STAG1: variants seen among roughly 807,000 people sequenced by gnomAD.
The protein encoded by STAG1 is cohesin subunit SA-1.
A neutral mutation model predicts 170.9 loss-of-function variants in STAG1; 26 were observed. The observed-to-expected ratio is 0.15, with a 90% CI of 0.11 to 0.21. STAG1 has a LOEUF of 0.21. STAG1 is among the 10% of genes least tolerant of loss of function. The pLI, the probability that STAG1 is intolerant of heterozygous loss-of-function variation, is 1.00. For missense variants in STAG1, 964 were observed against 1,509.5 expected (o/e 0.64, Z 5.99); for synonymous variants, 514 against 497.7 (o/e 1.03, Z -0.44).
At chr3:136,360,769 T>C (rs1036847669) in intron 26 of STAG1, among the ~76,000 whole-genome samples, 2 of 151,940 alleles carry the variant, frequency 1.3e-5, no homozygotes, top group Non-Finnish European at 2.9e-5. Context: ...CCTGGGTTCA[T>C]GTCATTCTCC....
intron 6 of STAG1, among the ~76,000 whole-genome samples, chr3:136,524,404 A>G (rs1021257307): frequency 6.6e-6 from 1 of 151,982 alleles, no homozygotes; most frequent in Non-Finnish European, 1.5e-5. Flanking sequence ...TTTGTCTGTT[A>G]CTGGTGTATA....
At chr3:136,518,825 A>T (rs1934513763) in intron 7 of STAG1, among the ~76,000 whole-genome samples, 1 of 152,160 alleles carries the variant, frequency 6.6e-6, no homozygotes. Flanking sequence ...AAAAGAACAC[A>T]GGTGAAAACA....
chr3:136,545,265 T>C (rs1936105591), intron 5 of STAG1, among the ~76,000 whole-genome samples: 1 of 152,194 alleles, frequency 6.6e-6, no homozygotes, highest in Admixed American at 6.5e-5. Context: ...AGACAGGGTT[T>C]CATCATGTTG....
chr3:136,420,989 T>G, intron 20 of STAG1, 104 bp downstream of exon 20: 2 of 628,938 alleles, frequency 3.2e-6, no homozygotes, highest in Non-Finnish European at 5.3e-6. Flanking sequence ...CAGGCTGGTC[T>G]CCAATTCATG....
intron 6 of STAG1, among the ~76,000 whole-genome samples, chr3:136,527,088 A>G (rs192365334): frequency 1.3e-5 from 2 of 152,084 alleles, no homozygotes; most frequent in African/African-American, 4.8e-5. Context: ...TGCTCTTCTC[A>G]AGGAGTATCT....
At chr3:136,513,930 A>G (rs1934208731) in intron 7 of STAG1, among the ~76,000 whole-genome samples, 1 of 152,164 alleles carries the variant, frequency 6.6e-6, no homozygotes, top group Admixed American at 6.5e-5. Context: ...TTAAAAAATT[A>G]AAAGAAAAAA....
chr3:136,485,312 C>G (rs564891827), intron 9 of STAG1, among the ~76,000 whole-genome samples: 1 of 152,126 alleles, frequency 6.6e-6, no homozygotes, highest in African/African-American at 2.4e-5. Context: ...AAAAAATTAG[C>G]TGGGCGTGGT....
rs775454319 is a variant in STAG1 at position 136,521,325 on chromosome 3, C to T, written c.564G>A (p.Gln188=). 69 of 1,613,650 alleles carry T rather than the reference C, an allele frequency of 4.3e-5. No individual in the cohort carries two copies. The highest frequency in any genetic ancestry group is 5.3e-5 in the Non-Finnish European group (63 of 1,179,808). Residue 188 remains glutamine, a synonymous_variant, in exon 7 of 34, where the codon CAG becomes CAA. Transcript: ENST00000383202. ...CATCATAAATTATGCTATACTGACA[C>T]TGTCGAATCAGGACTCCAATAAATT... ...FCEFIGVLIR[Q]CQYSIIYDEY... is the part of the protein sequence containing the mutation.
chr3:136,727,679 A>G (rs1340506779), intron 1 of STAG1, among the ~76,000 whole-genome samples: 1 of 152,190 alleles, frequency 6.6e-6, no homozygotes, highest in Non-Finnish European at 1.5e-5. Context: ...AGTTATTCAA[A>G]TATGTTCTCT....
In STAG1 at chr3:136,405,533, C is replaced by T. The variant is rs369119358; in HGVS notation, c.2197-6704G>A. On this transcript the variant is annotated intron_variant, in intron 21 of 33. Transcript: ENST00000383202. ...CTGGGATTATAGACATAGGACACCG[C>T]GTCCAGCCTCAACATCTTTAGTATT... Among the ~76,000 whole-genome samples, 6 of 151,640 alleles carry T rather than the reference C, an allele frequency of 4.0e-5. No homozygotes were observed. In the East Asian group the frequency reaches 7.8e-4, roughly 20 times the overall value.
intron 5 of STAG1, among the ~76,000 whole-genome samples, chr3:136,554,651 T>C (rs545393324): frequency 2.0e-5 from 3 of 152,242 alleles, no homozygotes; most frequent in Admixed American, 6.5e-5. Flanking sequence ...TCCCAGCATA[T>C]TGTGAGGTTG....
chr3:136,408,381 A>G (rs900913462), intron 21 of STAG1, among the ~76,000 whole-genome samples: 7 of 152,230 alleles, frequency 4.6e-5, no homozygotes, highest in Admixed American at 3.9e-4. Context: ...GAGTTACTGT[A>G]ACAGAACCTA....
intron 3 of STAG1, among the ~76,000 whole-genome samples, chr3:136,621,111 C>T (rs1052771562): frequency 1.3e-5 from 2 of 151,154 alleles, no homozygotes; most frequent in African/African-American, 2.4e-5. Flanking sequence ...CCAGCCTGGG[C>T]GACAGAGTAA....
At chr3:136,733,649 T>C (rs1934167296) in intron 1 of STAG1, among the ~76,000 whole-genome samples, 1 of 152,206 alleles carries the variant, frequency 6.6e-6, no homozygotes, top group Non-Finnish European at 1.5e-5. Context: ...CCATCTGTCA[T>C]GTGACAGTGC....
intron 14 of STAG1, among the ~76,000 whole-genome samples, chr3:136,446,630 C>T (rs983620498): frequency 8.5e-5 from 13 of 152,056 alleles, no homozygotes; most frequent in African/African-American, 3.1e-4. Flanking sequence ...ACCATGTTGG[C>T]CAGGCTGGTC....
intron 1 of STAG1, among the ~76,000 whole-genome samples, chr3:136,722,670 T>TC (rs2107930889): frequency 8.8e-6 from 1 of 113,672 alleles, no homozygotes; most frequent in Non-Finnish European, 1.8e-5. Context: ...TTCTCCCCTC[T>TC]CCCTCTCCCC....
chr3:136,467,820 C>G (rs2089511262), intron 12 of STAG1, among the ~76,000 whole-genome samples: 1 of 152,306 alleles, frequency 6.6e-6, no homozygotes, highest in Admixed American at 6.5e-5. Flanking sequence ...TCTCAGACCA[C>G]AGTGCAATCA....
rs370712873 is a variant in STAG1, at chr3:136,471,537, AAAC to A, written c.1205+873_1205+875del. 2.1e-3 allele frequency among the ~76,000 whole-genome samples: 313 copies of A among 152,334 alleles called. 5 individuals carry two copies. The highest frequency in any genetic ancestry group is 0.014 in the Admixed American group (216 of 15,298). ...TAGAGCCAAAATGTAAAAGGATTTCAAACAACAGTAGATCCCTGCATACATATT... is the reference window on the plus strand; with the variant it reads ...TAGAGCCAAAATGTAAAAGGATTTCAAACAGTAGATCCCTGCATACATATT... On this transcript the variant is annotated intron_variant, in intron 12 of 33. Coordinates refer to ENST00000383202, the MANE Select transcript of STAG1 (RefSeq NM_005862.3).
At chr3:136,663,631 C>T (rs1941653428) in intron 1 of STAG1, among the ~76,000 whole-genome samples, 1 of 152,136 alleles carries the variant, frequency 6.6e-6, no homozygotes. Flanking sequence ...CTGGAAAACA[C>T]CAAAATGTAA....
Sources: allele counts gnomAD v4.1 joint callset (sites outside exome capture counted in the v4.1 genomes callset), GRCh38; gene constraint gnomAD v4.1.1; transcripts MANE v1.5; gene names NCBI Gene and HGNC (gene_info 2026-07-23, HGNC 2026-07-21).